ZNF462: variants seen among roughly 807,000 people sequenced by gnomAD.
The protein encoded by ZNF462 is zinc finger PBX1-interacting protein.
A neutral mutation model predicts 201.9 loss-of-function variants in ZNF462; 10 were observed. The ratio of observed to expected loss-of-function variants is 0.05; its 90% CI spans 0.03 to 0.08. ZNF462 has a LOEUF of 0.08. Among genes scored for constraint, ZNF462 ranks in the 10% least tolerant of loss-of-function variants. The pLI, the probability that ZNF462 is intolerant of heterozygous loss-of-function variation, is 1.00. For synonymous variants in ZNF462, 1,227 were observed against 1,193.3 expected, an observed-to-expected ratio of 1.03 and a Z score of -0.58; for missense variants, 2,523 against 3,168.3, an observed-to-expected ratio of 0.80 and a Z score of 4.89.
intron 10 of ZNF462, among the ~76,000 whole-genome samples, chr9:107,001,604 A>T (rs1829190354): frequency 6.6e-6 from 1 of 152,158 alleles, no homozygotes; most frequent in Non-Finnish European, 1.5e-5. Flanking sequence ...GAAATCAATG[A>T]AAATGTAAAA....
chr9:106,946,689 C>T (rs1026728132), intron 7 of ZNF462, among the ~76,000 whole-genome samples: 9 of 151,710 alleles, frequency 5.9e-5, no homozygotes, highest in African/African-American at 2.2e-4. Flanking sequence ...TGTGAAGAGC[C>T]CCGGTGTTGT....
In ZNF462 at chr9:107,000,322, GA is replaced by G. The variant is rs529297940; in HGVS notation, c.7057-2970del. On this transcript the variant is annotated intron_variant, in intron 10 of 12. Transcript: ENST00000277225. ...CCTCAGGGCAAGCAGAGACTGACAT[GA>G]AGAGACTTACATTTTGTTAAAGATT... is the stretch of plus-strand genomic sequence containing the variant. Among the ~76,000 whole-genome samples, 239 of 151,984 alleles carry G rather than the reference GA, an allele frequency of 1.6e-3. 2 individuals carry two copies. Among genetic ancestry groups the G allele is most frequent in the African/African-American group, 5.4e-3 (222 of 41,494 alleles).
chr9:106,967,929 C>G (rs1832155189), intron 7 of ZNF462, among the ~76,000 whole-genome samples: 2 of 151,678 alleles, frequency 1.3e-5, no homozygotes, highest in South Asian at 2.1e-4. Context: ...GTTTTCTTCC[C>G]TATTCATTTT....
chr9:106,925,661 A>C lies in ZNF462; in HGVS notation c.1749A>C (p.Pro583=). ...QVPPQPQTQP[P]PTQQPQPPTQ... is the part of the protein sequence containing the mutation. Reference sequence around the variant, plus strand: ...CACCCCAGCCACAAACACAGCCACCACCAACGCAGCAGCCACAGCCACCCA... The same window carrying C: ...CACCCCAGCCACAAACACAGCCACCCCCAACGCAGCAGCCACAGCCACCCA... The change falls in exon 3 of 13, where the codon CCA becomes CCC. Residue 583 remains proline, a synonymous_variant. Coordinates refer to ENST00000277225, the MANE Select transcript of ZNF462 (RefSeq NM_021224.6). This position sits in a 1 kb window ranked among gnomAD's most constrained non-coding sequence, Gnocchi z 7.9. 7.4e-6 allele frequency: 12 copies of C among 1,613,844 alleles called. No individual in the cohort carries two copies. Among genetic ancestry groups the C allele is most frequent in the Non-Finnish European group, 1.0e-5 (12 of 1,179,932 alleles).
chr9:106,996,204 C>G (rs1472561690), intron 10 of ZNF462, among the ~76,000 whole-genome samples: 1 of 152,120 alleles, frequency 6.6e-6, no homozygotes, highest in African/African-American at 2.4e-5. Context: ...TTTTCTTAAT[C>G]CAGTCTATTA....
intron 7 of ZNF462, among the ~76,000 whole-genome samples, chr9:106,955,438 C>T (rs571521503): frequency 2.3e-4 from 35 of 152,248 alleles, no homozygotes; most frequent in Middle Eastern, 3.4e-3. Flanking sequence ...TTCAGTGACT[C>T]ATAATCTCTT....
chr9:106,964,634 T>A (rs1409952872), intron 7 of ZNF462, among the ~76,000 whole-genome samples: 1 of 152,114 alleles, frequency 6.6e-6, no homozygotes, highest in Non-Finnish European at 1.5e-5. Context: ...ATGTTCTCAA[T>A]CTTTTATAGT....
chr9:106,928,016 C>T lies in ZNF462; in HGVS notation c.4104C>T (p.Thr1368=), dbSNP rs139691415. 75 of 1,614,100 alleles carry T rather than the reference C, an allele frequency of 4.6e-5. No individual in the cohort carries two copies. The African/African-American group carries it at 9.5e-4, about 20-fold the overall frequency. ...TCACAATGCCAGCCGAAGCCAAAACCTACAGATGCAGGGACTGTGTTTTCG... is the reference window on the plus strand; with the variant it reads ...TCACAATGCCAGCCGAAGCCAAAACTTACAGATGCAGGGACTGTGTTTTCG... ...PSLTMPAEAK[T]YRCRDCVFEA... is the part of the protein sequence containing the mutation. The change falls in exon 3 of 13, where the codon ACC becomes ACT. Residue 1368 remains threonine, a synonymous_variant. Coordinates refer to ENST00000277225, the MANE Select transcript of ZNF462 (RefSeq NM_021224.6). This position sits in a 1 kb window ranked among gnomAD's most constrained non-coding sequence, Gnocchi z 9.3.
In ZNF462 at chr9:107,010,906, T is replaced by A. The variant is rs778898267; in HGVS notation, c.7397T>A (p.Ile2466Lys). The change falls in exon 13 of 13, where the codon ATA becomes AAA. Residue 2466 changes from isoleucine to lysine, a missense_variant. Around this residue, in one of 15 missense-constraint regions of ZNF462, gnomAD observed 67 missense variants for 63.2 expected, o/e 1.06. Transcript: ENST00000277225. The surrounding 1 kb of genome is among the most constrained non-coding windows in gnomAD (Gnocchi z 4.6). ...IMENSVKMPSIEEKEDDEAIG... is the reference protein window; with the variant it reads ...IMENSVKMPSKEEKEDDEAIG... ...GAGAACAGTGTTAAAATGCCCTCCA[T>A]AGAGGAAAAGGAAGATGACGAGGCC... 3.7e-6 allele frequency: 6 copies of A among 1,613,588 alleles called. 1 individual carries two copies. The Admixed American group carries it at 1.0e-4, about 27-fold the overall frequency.
Position 106,926,898 on chromosome 9 carries a change from C to T in ZNF462, c.2986C>T (p.Arg996Cys), listed in dbSNP as rs201814045. Residue 996 changes from arginine to cysteine, a missense_variant, in exon 3 of 13, where the codon CGT becomes TGT. Arg to Cys is a radical substitution (Grantham distance 180, BLOSUM62 -3). Around this residue, in one of 15 missense-constraint regions of ZNF462, gnomAD observed 280 missense variants for 321.3 expected, o/e 0.87. Transcript: ENST00000277225. This position sits in a 1 kb window ranked among gnomAD's most constrained non-coding sequence, Gnocchi z 7.9. ...CATGGCGACTTCCACACCTGTGGCTCGTGGTGGTGGTTTGCCAGCTACGTT... is the reference window on the plus strand; with the variant it reads ...CATGGCGACTTCCACACCTGTGGCTTGTGGTGGTGGTTTGCCAGCTACGTT... Reference protein sequence around the residue: ...KNMATSTPVARGGGLPATFNK... With the variant: ...KNMATSTPVACGGGLPATFNK... 28 of 1,614,130 alleles carry T rather than the reference C, an allele frequency of 1.7e-5. No individual in the cohort carries two copies. The Admixed American group carries it at 2.8e-4, about 16-fold the overall frequency.
Position 106,879,726 on chromosome 9 carries a change from C to T in ZNF462, c.-31+16371C>T, listed in dbSNP as rs1444679590. Among the ~76,000 whole-genome samples the T allele has an allele frequency of 2.0e-5, 3 of 152,080 alleles. No homozygotes were observed. In the East Asian group the frequency reaches 5.8e-4, roughly 29 times the overall value. On this transcript the variant is annotated intron_variant, in intron 1 of 12. Coordinates refer to ENST00000277225, the MANE Select transcript of ZNF462 (RefSeq NM_021224.6). ...TTCCAGTGATTCTGCAGAAGCTTAG[C>T]AATTATATAATTGCTATGTAACTGG...
intron 9 of ZNF462, chr9:106,979,519 C>T (rs1022755529): frequency 2.6e-5 from 4 of 151,506 alleles, no homozygotes; most frequent in Non-Finnish European, 5.9e-5. Context: ...GAGCCAAGGC[C>T]GTCTTCTTCC....
rs143952337 is a variant in ZNF462 at position 106,926,570 on chromosome 9, C to T, written c.2658C>T (p.Tyr886=). The T allele has an allele frequency of 1.2e-6, 2 of 1,614,018 alleles. No individual in the cohort carries two copies. The highest frequency in any genetic ancestry group is 2.7e-5 in the African/African-American group (2 of 74,902). ...ACCCCAATGATCACAGTGCAGTGTA[C>T]AGGTGCCTGGAATGCTACATCGATT... is the stretch of plus-strand genomic sequence containing the variant. ...ILDPNDHSAV[Y]RCLECYIDYT... Residue 886 remains tyrosine, a synonymous_variant, in exon 3 of 13, where the codon TAC becomes TAT. Transcript: ENST00000277225. This position sits in a 1 kb window ranked among gnomAD's most constrained non-coding sequence, Gnocchi z 7.9.
intron 1 of ZNF462, among the ~76,000 whole-genome samples, chr9:106,914,703 G>T (rs1044031333): frequency 6.6e-6 from 1 of 152,178 alleles, no homozygotes; most frequent in Non-Finnish European, 1.5e-5. Context: ...TTGTGTTCTG[G>T]TGGGAAGAAA....
intron 7 of ZNF462, among the ~76,000 whole-genome samples, chr9:106,965,444 A>T (rs531786425): frequency 1.3e-5 from 2 of 152,216 alleles, no homozygotes; most frequent in East Asian, 3.9e-4. Flanking sequence ...CATATGTAAT[A>T]GGAGGACCTC....
rs748634199 is a variant in ZNF462, at chr9:106,927,519, C to T, written c.3607C>T (p.Arg1203Trp). The T allele has an allele frequency of 5.6e-6, 9 of 1,613,856 alleles. No homozygotes were observed. Among genetic ancestry groups the T allele is most frequent in the Non-Finnish European group, 7.6e-6 (9 of 1,179,994 alleles). The change falls in exon 3 of 13, where the codon CGG (arginine) becomes TGG (tryptophan). Residue 1203 changes from arginine (R) to tryptophan (W), a missense_variant. Arg to Trp is a moderately radical substitution (Grantham distance 101). This residue lies in a region of ZNF462 where 222 missense variants were observed against 271.6 expected (regional missense o/e 0.82). Coordinates refer to ENST00000277225, the MANE Select transcript of ZNF462 (RefSeq NM_021224.6). ...TTGCCAGCACTGTGATTATGGGAAC[C>T]GGACGGTCAAAGGGGTACTCATTCA... ...FFCQHCDYGNRTVKGVLIHYQ... is the reference protein window; with the variant it reads ...FFCQHCDYGNWTVKGVLIHYQ...
At chr9:106,866,906 A>G (rs1175484161) in intron 1 of ZNF462, among the ~76,000 whole-genome samples, 1 of 152,190 alleles carries the variant, frequency 6.6e-6, no homozygotes, top group Non-Finnish European at 1.5e-5. Flanking sequence ...ACAAACTTTC[A>G]TGATATCTTT....
intron 10 of ZNF462, among the ~76,000 whole-genome samples, chr9:106,988,190 T>G (rs115319730): frequency 0.022 from 3,288 of 152,232 alleles, 112 homozygotes; most frequent in African/African-American, 0.075. Context: ...TAGTTCCAGG[T>G]GGCTGGGGAA....
At chr9:106,937,164 G>A (rs552338470) in intron 6 of ZNF462, among the ~76,000 whole-genome samples, 5 of 152,132 alleles carry the variant, frequency 3.3e-5, no homozygotes, top group African/African-American at 4.8e-5. Context: ...CTCTCAGGTC[G>A]TGCAACTCAC....
Sources: gnomAD v4.1 joint callset for allele counts (sites outside exome capture counted in the v4.1 genomes callset) on GRCh38, gnomAD v4.1.1 for gene constraint, gnomAD v4.1.1 regional missense constraint, Gnocchi (gnomAD v3.1) non-coding constraint, MANE v1.5 for transcripts, NCBI Gene and HGNC (gene_info 2026-07-23, HGNC 2026-07-21) for gene names.